The following RUSC2 variants were observed in gnomAD, a reference collection of about 807,000 sequenced individuals.
RUSC2 encodes the protein AP-4 complex accessory subunit RUSC2.
In RUSC2, 34 loss-of-function variants were observed where a neutral mutation model predicts 122.2. The observed-to-expected ratio is 0.28, with a 90% CI of 0.21 to 0.37. The LOEUF is 0.37. RUSC2 is among the 10% of genes least tolerant of loss of function. RUSC2 has a pLI of 1.00. For synonymous variants in RUSC2, 784 were observed against 790.0 expected (o/e 0.99, Z 0.13); for missense variants, 1,747 against 1,952.4 (o/e 0.89, Z 1.98).
chr9:35,491,534 A>T (rs1238734214), intron 1 of RUSC2, among the ~76,000 whole-genome samples: 11 of 152,188 alleles, frequency 7.2e-5, no homozygotes. Context: ...CTGGTATTTA[A>T]GATTCCTTTT....
chr9:35,541,136 T>TTA (rs1197724646), intron 1 of RUSC2, among the ~76,000 whole-genome samples: 1 of 152,100 alleles, frequency 6.6e-6, no homozygotes, highest in Non-Finnish European at 1.5e-5. Context: ...CCTCATAACT[T>TTA]TATACTGGCT....
chr9:35,540,389 T>C (rs377564635), intron 1 of RUSC2, among the ~76,000 whole-genome samples: 14 of 152,048 alleles, frequency 9.2e-5, no homozygotes, highest in African/African-American at 3.1e-4. Context: ...GTAAAAAAAT[T>C]CCCATTTCTA....
chr9:35,551,531 T>A (rs994673064), intron 2 of RUSC2, among the ~76,000 whole-genome samples: 2 of 152,156 alleles, frequency 1.3e-5, no homozygotes, highest in African/African-American at 4.8e-5. Context: ...GTCTGCTGGG[T>A]GCATCTCGTG....
At chr9:35,512,822 TC>T (rs1369622015) in intron 1 of RUSC2, among the ~76,000 whole-genome samples, 1 of 152,056 alleles carries the variant, frequency 6.6e-6, no homozygotes, top group East Asian at 1.9e-4. Flanking sequence ...GCTCAGCCAC[TC>T]CCCAATTATA....
intron 5 of RUSC2, 93 bp downstream of exon 5, chr9:35,556,541 C>CTGGCTGGGCCCTCTAAGTGA: frequency 6.7e-7 from 1 of 1,501,144 alleles, no homozygotes; most frequent in Non-Finnish European, 9.0e-7. Context: ...CCTCTAAGTG[C>CTGGCTGGGCCCTCTAAGTGA]TGGCTGGGCC....
chr9:35,549,780 A>G (rs1028393175), intron 2 of RUSC2, among the ~76,000 whole-genome samples: 1 of 152,230 alleles, frequency 6.6e-6, no homozygotes, highest in South Asian at 2.1e-4. Flanking sequence ...AGGTGGAACC[A>G]CTGAAAAATT....
rs751291914 is a variant in RUSC2 at position 35,548,225 on chromosome 9, C to T, written c.1704C>T (p.Asp568=). 1.2e-6 allele frequency: 2 copies of T among 1,613,454 alleles called. No homozygotes were observed. The highest frequency in any genetic ancestry group is 1.7e-6 in the Non-Finnish European group (2 of 1,179,938). ...CCCCACTTCGTGTGAGTGTTGGGGA[C>T]TCCTCCCAGGAGTTCTCACCCATCC... ...GSPPLRVSVG[D]SSQEFSPIQE... Residue 568 remains aspartate (D), a synonymous_variant, in exon 2 of 12, where the codon GAC becomes GAT. Transcript: ENST00000361226. This position sits in a 1 kb window ranked among gnomAD's most constrained non-coding sequence, Gnocchi z 4.5.
intron 1 of RUSC2, among the ~76,000 whole-genome samples, chr9:35,494,533 CT>C (rs1187442088): frequency 6.6e-6 from 1 of 152,102 alleles, no homozygotes; most frequent in Non-Finnish European, 1.5e-5. Flanking sequence ...ATTCATATTT[CT>C]CTAATGAAAA....
At chr9:35,556,771 G>A (rs540129593) in intron 5 of RUSC2, among the ~76,000 whole-genome samples, 1 of 152,298 alleles carries the variant, frequency 6.6e-6, no homozygotes, top group East Asian at 1.9e-4. Flanking sequence ...AGGTTGCAGT[G>A]AGCCAAGATC....
At chr9:35,505,379 G>A (rs919941083) in intron 1 of RUSC2, among the ~76,000 whole-genome samples, 3 of 152,008 alleles carry the variant, frequency 2.0e-5, no homozygotes, top group African/African-American at 7.2e-5. Context: ...CTTAGTCCCC[G>A]ACCCCACCAC....
chr9:35,549,269 AC>A, intron 2 of RUSC2: 1 of 927,950 alleles, frequency 1.1e-6, no homozygotes, highest in Non-Finnish European at 1.3e-6. Flanking sequence ...CAACAACAAC[AC>A]ACACACACTG....
intron 1 of RUSC2, among the ~76,000 whole-genome samples, chr9:35,508,753 G>A (rs1042197568): frequency 1.3e-5 from 2 of 152,092 alleles, no homozygotes; most frequent in African/African-American, 2.4e-5. Flanking sequence ...AACCTATAGC[G>A]AAATTCTGGA....
chr9:35,492,919 C>A (rs1820596244), intron 1 of RUSC2, among the ~76,000 whole-genome samples: 1 of 152,066 alleles, frequency 6.6e-6, no homozygotes, highest in Non-Finnish European at 1.5e-5. Context: ...TAAGTGGAAT[C>A]ATGCACTATT....
In RUSC2 at chr9:35,560,666, C is replaced by T. The variant is rs2131707562; in HGVS notation, c.4026C>T (p.Pro1342=). Residue 1342 remains proline (P), a synonymous_variant, in exon 10 of 12, where the codon CCC becomes CCT. Transcript: ENST00000361226. ...EEALGRERGW[P]FWMGSPPDSV... Reference sequence around the variant, plus strand: ...CCCTGGGCCGGGAAAGGGGCTGGCCCTTCTGGATGGGGAGCCCCCCTGACT... The same window carrying T: ...CCCTGGGCCGGGAAAGGGGCTGGCCTTTCTGGATGGGGAGCCCCCCTGACT... The T allele has an allele frequency of 1.9e-6, 3 of 1,582,322 alleles. No homozygotes were observed. Among genetic ancestry groups the T allele is most frequent in the Middle Eastern group, 1.7e-4 (1 of 5,926 alleles).
At chr9:35,542,872 GTAT>G (rs1821669207) in intron 1 of RUSC2, among the ~76,000 whole-genome samples, 1 of 152,180 alleles carries the variant, frequency 6.6e-6, no homozygotes, top group Admixed American at 6.5e-5. Flanking sequence ...ATTAATGCAT[GTAT>G]GTCCTGGTAA....
At chr9:35,509,269 G>A (rs940087254) in intron 1 of RUSC2, among the ~76,000 whole-genome samples, 2 of 152,182 alleles carry the variant, frequency 1.3e-5, no homozygotes, top group African/African-American at 4.8e-5. Flanking sequence ...ACACCACCTT[G>A]TCCAGAGAAA....
chr9:35,501,136 A>C (rs1003346686), intron 1 of RUSC2, among the ~76,000 whole-genome samples: 2 of 152,274 alleles, frequency 1.3e-5, no homozygotes, highest in African/African-American at 4.8e-5. Context: ...AAAGGGACTC[A>C]GAAAGATAAA....
intron 1 of RUSC2, among the ~76,000 whole-genome samples, chr9:35,523,134 T>C (rs1821247315): frequency 6.6e-6 from 1 of 152,256 alleles, no homozygotes; most frequent in African/African-American, 2.4e-5. Context: ...GCTATACTTA[T>C]TAACAACATC....
At chr9:35,497,394 GT>G (rs1363434426) in intron 1 of RUSC2, among the ~76,000 whole-genome samples, 1 of 152,180 alleles carries the variant, frequency 6.6e-6, no homozygotes, top group Non-Finnish European at 1.5e-5. Context: ...CTGGAGAACT[GT>G]TTTGTTTTGG....
Sources: gnomAD v4.1 joint callset for allele counts (sites outside exome capture counted in the v4.1 genomes callset) on GRCh38, gnomAD v4.1.1 for gene constraint, Gnocchi (gnomAD v3.1) non-coding constraint, MANE v1.5 for transcripts, NCBI Gene and HGNC (gene_info 2026-07-23, HGNC 2026-07-21) for gene names.